NTRK3: variants seen among roughly 807,000 people sequenced by gnomAD.
NTRK3 encodes neurotrophic receptor tyrosine kinase 3.
Under a neutral mutation model 91.7 loss-of-function variants are expected in NTRK3, and 24 were observed. That is an observed-to-expected ratio of 0.26 (90% CI 0.19 to 0.37). The LOEUF (loss-of-function observed/expected upper bound fraction) is 0.37. Among genes scored for constraint, NTRK3 ranks in the 10% least tolerant of loss-of-function variants. NTRK3 has a pLI of 1.00. For missense variants in NTRK3, 880 were observed against 1,068.9 expected (o/e 0.82, Z 2.46); for synonymous variants, 483 against 404.0 (o/e 1.20, Z -2.34).
intron 13 of NTRK3, among the ~76,000 whole-genome samples, chr15:88,123,146 A>G (rs189396323): frequency 6.6e-6 from 1 of 152,340 alleles, no homozygotes; most frequent in Non-Finnish European, 1.5e-5. Flanking sequence ...TAAAGAAAAG[A>G]AGGGAGAAAT....
At chr15:87,922,712 C>T (rs188044164) in intron 17 of NTRK3, among the ~76,000 whole-genome samples, 17 of 152,254 alleles carry the variant, frequency 1.1e-4, no homozygotes, top group African/African-American at 3.6e-4. Context: ...AAATACTGGA[C>T]GGCTTCAGTT....
intron 14 of NTRK3, among the ~76,000 whole-genome samples, chr15:87,997,788 G>A (rs1034758038): frequency 6.6e-5 from 10 of 152,122 alleles, no homozygotes; most frequent in Admixed American, 5.9e-4. Context: ...GATAACACTT[G>A]TGCCCCTTTT....
exon 19 of NTRK3, chr15:87,871,688 G>A: frequency 1.8e-5 from 4 of 228,438 alleles, no homozygotes; most frequent in Non-Finnish European, 3.5e-5. Context: ...TCTGAGGCCA[G>A]TTCATCTCCA....
At chr15:88,133,265 T>C (rs1242017386) in intron 10 of NTRK3, among the ~76,000 whole-genome samples, 1 of 152,086 alleles carries the variant, frequency 6.6e-6, no homozygotes, top group African/African-American at 2.4e-5. Flanking sequence ...GAGGTATCTC[T>C]GAGATAGCTC....
intron 3 of NTRK3, among the ~76,000 whole-genome samples, chr15:88,248,463 C>T (rs556742886): frequency 6.6e-6 from 1 of 152,272 alleles, no homozygotes; most frequent in East Asian, 1.9e-4. Context: ...AAATGATTCT[C>T]CTAGACTTTT....
intron 14 of NTRK3, among the ~76,000 whole-genome samples, chr15:88,011,129 C>T (rs1295662770): frequency 1.3e-5 from 2 of 151,996 alleles, no homozygotes; most frequent in East Asian, 1.9e-4. Context: ...GCCACACAGG[C>T]CATCATGACT....
chr15:88,210,172 GA>G (rs1232199254), intron 3 of NTRK3: 1 of 152,196 alleles, frequency 6.6e-6, no homozygotes, highest in African/African-American at 2.4e-5. Context: ...AGCTAAGAAA[GA>G]GGGAATGAAG....
chr15:88,142,424 C>A (rs1429098463), intron 6 of NTRK3, among the ~76,000 whole-genome samples: 1 of 152,274 alleles, frequency 6.6e-6, no homozygotes. Context: ...TCAGCCCCAT[C>A]TGAGTTTGTA....
chr15:88,181,405 C>T (rs1212499930), intron 5 of NTRK3, among the ~76,000 whole-genome samples: 2 of 152,160 alleles, frequency 1.3e-5, no homozygotes, highest in African/African-American at 2.4e-5. Flanking sequence ...CAAAGACATG[C>T]TCTGGTACAA....
chr15:87,933,387 A>G (rs1272638890), intron 15 of NTRK3, among the ~76,000 whole-genome samples: 3 of 152,234 alleles, frequency 2.0e-5, no homozygotes, highest in African/African-American at 7.2e-5. Flanking sequence ...GCAGAAATAG[A>G]AACCCACTTT....
At chr15:88,039,279 A>C (rs1445251415) in intron 13 of NTRK3, among the ~76,000 whole-genome samples, 2 of 152,228 alleles carry the variant, frequency 1.3e-5, no homozygotes, top group Non-Finnish European at 2.9e-5. Context: ...AAAGAAGAGA[A>C]ACATTCTCAT....
chr15:87,880,254 C>T lies in NTRK3; in HGVS notation c.2292+16G>A, dbSNP rs767405897. The T allele has an allele frequency of 1.9e-5, 30 of 1,613,870 alleles. No homozygotes were observed. The highest frequency in any genetic ancestry group is 5.3e-5 in the African/African-American group (4 of 74,884). On this transcript the variant is annotated intron_variant, in intron 18 of 18. Coordinates refer to ENST00000394480, the Ensembl canonical transcript of NTRK3. ...AGCCCTCCCCCAATCAAGATTCCTACGCACCCCCTTTTTACCTCCGTGTTT... is the reference window on the plus strand; with the variant it reads ...AGCCCTCCCCCAATCAAGATTCCTATGCACCCCCTTTTTACCTCCGTGTTT...
At chr15:87,959,765 A>C (rs913565725) in intron 14 of NTRK3, among the ~76,000 whole-genome samples, 6 of 152,206 alleles carry the variant, frequency 3.9e-5, no homozygotes, top group African/African-American at 1.4e-4. Flanking sequence ...ATCTACTGGA[A>C]AGCCCTCAAA....
intron 14 of NTRK3, among the ~76,000 whole-genome samples, chr15:87,982,178 T>C (rs993716086): frequency 7.2e-5 from 11 of 152,196 alleles, no homozygotes; most frequent in African/African-American, 2.4e-4. Flanking sequence ...TTGTTTTCTC[T>C]GGAACTCTTT....
chr15:87,916,256 T>A (rs2067436877), intron 17 of NTRK3: 3 of 317,502 alleles, frequency 9.4e-6, no homozygotes, highest in Middle Eastern at 8.7e-4. Flanking sequence ...AAAGAAGATA[T>A]CTGTATGGAA....
At chr15:88,136,989 C>T (rs1007817018) in intron 7 of NTRK3, among the ~76,000 whole-genome samples, 2 of 152,166 alleles carry the variant, frequency 1.3e-5, no homozygotes, top group African/African-American at 2.4e-5. Context: ...TTTCTGGGAC[C>T]CATCCCCAGA....
rs1016366505 is a variant in NTRK3 at position 88,235,847 on chromosome 15, C to G, written c.248+20059G>C. Among the ~76,000 whole-genome samples the G allele has an allele frequency of 3.3e-5, 5 of 152,258 alleles. No homozygotes were observed. Among genetic ancestry groups the G allele is most frequent in the African/African-American group, 1.2e-4 (5 of 41,466 alleles). ...CTTTGAGTCAAACAGGATCCCAGCTCTGCCACCTACCAGTTGGATGACCTT... is the reference window on the plus strand; with the variant it reads ...CTTTGAGTCAAACAGGATCCCAGCTGTGCCACCTACCAGTTGGATGACCTT... On this transcript the variant is annotated intron_variant, in intron 3 of 18. Coordinates refer to ENST00000394480, the Ensembl canonical transcript of NTRK3. The surrounding 1 kb of genome is among the most constrained non-coding windows in gnomAD (Gnocchi z 5.2).
chr15:88,059,886 A>G (rs2046054379), intron 13 of NTRK3, among the ~76,000 whole-genome samples: 1 of 152,162 alleles, frequency 6.6e-6, no homozygotes, highest in South Asian at 2.1e-4. Flanking sequence ...GAAGAACAGG[A>G]GTTTAGGACT....
chr15:87,912,555 G>A (rs1421883534), intron 17 of NTRK3, among the ~76,000 whole-genome samples: 1 of 152,052 alleles, frequency 6.6e-6, no homozygotes, highest in Non-Finnish European at 1.5e-5. Flanking sequence ...GAATTCACAG[G>A]AAGGGAGAAG....
Sources: gnomAD v4.1 joint callset for allele counts (sites outside exome capture counted in the v4.1 genomes callset) on GRCh38, gnomAD v4.1.1 for gene constraint, Gnocchi (gnomAD v3.1) non-coding constraint, MANE v1.5 for transcripts, NCBI Gene and HGNC (gene_info 2026-07-23, HGNC 2026-07-21) for gene names.